Variants in STOM observed in about 807,000 individuals in gnomAD.
The protein encoded by STOM is erythrocyte band 7 integral membrane protein.
STOM carries 25 observed loss-of-function variants against 30.6 expected under a neutral mutation model. The observed-to-expected ratio is 0.82, with a 90% CI of 0.60 to 1.14. STOM has a LOEUF of 1.14. Ranked by LOEUF, STOM falls within the 50% of genes most tolerant of loss-of-function variation. The pLI, the probability that STOM is intolerant of heterozygous loss-of-function variation, is 0.00. For synonymous variants in STOM, 118 were observed against 130.8 expected (o/e 0.90, Z 0.67); for missense variants, 292 against 365.2 (o/e 0.80, Z 1.63).
At position 121,354,637 on chromosome 9, in the gene STOM, A is replaced by G. The variant is rs2064368702; in HGVS notation, c.202T>C (p.Leu68=). The G allele has an allele frequency of 6.2e-7, 1 of 1,612,820 alleles. No homozygotes were observed. The highest frequency in any genetic ancestry group is 8.5e-7 in the Non-Finnish European group (1 of 1,179,198). ...GCTCCTCCTTGTAAAATGCGACCCAATCTAAAGATGATGGCTCTTTCATAC... is the reference window on the plus strand; with the variant it reads ...GCTCCTCCTTGTAAAATGCGACCCAGTCTAAAGATGATGGCTCTTTCATAC... ...KEYERAIIFR[L]GRILQGGAKG... The change falls in exon 3 of 7, where the codon TTG becomes CTG. Residue 68 remains leucine (L), a synonymous_variant. Coordinates refer to ENST00000286713, the MANE Select transcript of STOM (RefSeq NM_004099.6).
chr9:121,340,895 G>A lies in STOM; in HGVS notation c.*307C>T, dbSNP rs2064240192. Reference sequence around the variant, plus strand: ...GTTACAGCCCAGGTTCTTGCCTCTGGCCTGGGTGCTTAGGGGGTTCAGAAT... The same window carrying A: ...GTTACAGCCCAGGTTCTTGCCTCTGACCTGGGTGCTTAGGGGGTTCAGAAT... On this transcript the variant is annotated 3_prime_UTR_variant, in exon 7 of 7. Transcript: ENST00000286713. The A allele has an allele frequency of 8.4e-7, 1 of 1,190,618 alleles. No homozygotes were observed. Among genetic ancestry groups the A allele is most frequent in the Non-Finnish European group, 1.1e-6 (1 of 950,776 alleles). The allele number at this position is 1,190,618 out of a possible 1,614,324, so 73.8% of individuals were successfully genotyped here.
chr9:121,352,755 G>A (rs2064349997), intron 4 of STOM, among the ~76,000 whole-genome samples: 1 of 152,186 alleles, frequency 6.6e-6, no homozygotes, highest in African/African-American at 2.4e-5. Flanking sequence ...TAAAGAACTT[G>A]CTTAAGGTCA....
chr9:121,357,377 G>C (rs1050907674), intron 1 of STOM, among the ~76,000 whole-genome samples: 1 of 144,348 alleles, frequency 6.9e-6, no homozygotes, highest in African/African-American at 2.5e-5. Context: ...AGGTATTTTG[G>C]TATATTCTTT....
chr9:121,369,478 G>C (rs190212943), intron 1 of STOM, among the ~76,000 whole-genome samples: 1 of 152,112 alleles, frequency 6.6e-6, no homozygotes, highest in Non-Finnish European at 1.5e-5. Flanking sequence ...AAGGGAGGGT[G>C]GGGGTGAGGG....
At chr9:121,344,126 C>A (rs1457607842) in intron 6 of STOM, among the ~76,000 whole-genome samples, 1 of 152,186 alleles carries the variant, frequency 6.6e-6, no homozygotes, top group Non-Finnish European at 1.5e-5. Flanking sequence ...ATAGTACTCA[C>A]TGAGAGAAAG....
In STOM at chr9:121,347,744, C is replaced by T. The variant is rs139793249; in HGVS notation, c.660+271G>A. Among the ~76,000 whole-genome samples the T allele has an allele frequency of 4.5e-4, 68 of 152,238 alleles. No individual in the cohort carries two copies. In the Middle Eastern group the frequency reaches 0.01, roughly 23 times the overall value. ...AATATTAAATGAAAAAAGCAGAGCGCAGAACAACATGTGCAGTATAACCCT... is the reference window on the plus strand; with the variant it reads ...AATATTAAATGAAAAAAGCAGAGCGTAGAACAACATGTGCAGTATAACCCT... On this transcript the variant is annotated intron_variant, in intron 6 of 6. Coordinates refer to ENST00000286713, the MANE Select transcript of STOM (RefSeq NM_004099.6).
At chr9:121,364,013 G>A (rs1207597370) in intron 1 of STOM, among the ~76,000 whole-genome samples, 1 of 152,060 alleles carries the variant, frequency 6.6e-6, no homozygotes, top group African/African-American at 2.4e-5. Context: ...TCAAATGACT[G>A]GAATTTTAGG....
intron 6 of STOM, 126 bp from the exon 7 acceptor site, chr9:121,341,534 T>G: frequency 1.6e-6 from 2 of 1,252,916 alleles, no homozygotes; most frequent in Non-Finnish European, 2.2e-6. Context: ...GCCAGAGTAG[T>G]TTTAAGAAAA....
chr9:121,369,900 G>A, intron 1 of STOM: 1 of 502,752 alleles, frequency 2.0e-6, no homozygotes, highest in Non-Finnish European at 3.6e-6. Flanking sequence ...ACCAGGGCCC[G>A]TGCGATGGGA....
At chr9:121,361,380 CTTTTTTTTTTTTT>C (rs5900482) in intron 1 of STOM, among the ~76,000 whole-genome samples, 1 of 41,080 alleles carries the variant, frequency 2.4e-5, no homozygotes, top group African/African-American at 8.6e-5. Context: ...CACTTGTGGA[CTTTTTTTTTTTTT>C]TTTTTTTTTT....
In STOM at chr9:121,363,694, T is replaced by TA. The variant is rs143908677; in HGVS notation, c.61+6432dup. ...GAGCTATTTCATAACTTGTGGGACA[T>TA]ACAGAAACAGAGTCAGCTAGATTTG... On this transcript the variant is annotated intron_variant, in intron 1 of 6. Coordinates refer to ENST00000286713, the MANE Select transcript of STOM (RefSeq NM_004099.6). Among the ~76,000 whole-genome samples, 841 of 152,326 alleles carry TA rather than the reference T, an allele frequency of 5.5e-3. 5 individuals are homozygous for TA. The highest frequency in any genetic ancestry group is 0.019 in the African/African-American group (803 of 41,584).
chr9:121,353,255 T>G lies in STOM; in HGVS notation c.286A>C (p.Met96Leu). The change falls in exon 4 of 7, where the codon ATG (methionine) becomes CTG (leucine). Residue 96 changes from methionine to leucine, a missense_variant. Coordinates refer to ENST00000286713, the MANE Select transcript of STOM (RefSeq NM_004099.6). ...PCTDSFIKVD[M>L]RTISFDIPPQ... ...GGAATATCAAATGAAATAGTTCTCA[T>G]GTCCACTTTGATGAAGCTGTCAGTG... 6.2e-7 allele frequency: 1 copy of G among 1,612,114 alleles called. No individual in the cohort carries two copies. Among genetic ancestry groups the G allele is most frequent in the South Asian group, 1.1e-5 (1 of 90,700 alleles).
chr9:121,343,999 G>A (rs188318895), intron 6 of STOM, among the ~76,000 whole-genome samples: 183 of 152,284 alleles, frequency 1.2e-3, no homozygotes, highest in African/African-American at 4.0e-3. Flanking sequence ...GAAGGAGGGC[G>A]AATCAGTGGA....
In STOM at chr9:121,340,566, G is replaced by T. The variant is rs1448531576; in HGVS notation, c.*636C>A. 1 of 607,402 alleles carries T rather than the reference G, an allele frequency of 1.6e-6. No individual in the cohort carries two copies. Among genetic ancestry groups the T allele is most frequent in the East Asian group, 1.4e-4 (1 of 7,154 alleles). 37.6% of individuals were successfully genotyped at this position (607,402 alleles called of 1,614,324 possible). A position where few individuals can be genotyped will look rare whatever the true frequency, so the allele number is the denominator to read the frequency against. On this transcript the variant is annotated 3_prime_UTR_variant, in exon 7 of 7. Coordinates refer to ENST00000286713, the MANE Select transcript of STOM (RefSeq NM_004099.6). ...AGCCTGGCCAACATGGTGAAACCCC[G>T]TCTCTACTAAAAAACAATAATAATA...
chr9:121,353,756 T>G lies in STOM; in HGVS notation c.239-454A>C, dbSNP rs112222150. 8.3e-3 allele frequency among the ~76,000 whole-genome samples: 1,257 copies of G among 152,300 alleles called. 22 individuals are homozygous for G. Among genetic ancestry groups the G allele is most frequent in the African/African-American group, 0.028 (1,179 of 41,548 alleles). ...TGCACTCTTGCTGGACTGATCTACT[T>G]GCAGTTTCTTGAATCTGCAATACTC... On this transcript the variant is annotated intron_variant, in intron 3 of 6. Coordinates refer to ENST00000286713, the MANE Select transcript of STOM (RefSeq NM_004099.6).
At chr9:121,355,387 CAAAA>C (rs36030273) in intron 2 of STOM, among the ~76,000 whole-genome samples, 1 of 96,050 alleles carries the variant, frequency 1.0e-5, no homozygotes, top group Non-Finnish European at 2.4e-5. Context: ...GGCTCTGGCT[CAAAA>C]AAAAAAAAAA....
At position 121,339,455 on chromosome 9, in the gene STOM, G is replaced by A. The variant is rs1196425731; in HGVS notation, c.*1747C>T. 2 of 1,044,084 alleles carry A rather than the reference G, an allele frequency of 1.9e-6. No individual in the cohort carries two copies. The highest frequency in any genetic ancestry group is 1.2e-6 in the Non-Finnish European group (1 of 821,028). The allele number at this position is 1,044,084 out of a possible 1,614,324, so 64.7% of individuals were successfully genotyped here. On this transcript the variant is annotated 3_prime_UTR_variant, in exon 7 of 7. Transcript: ENST00000286713. The stretch of plus-strand genomic sequence containing the variant: ...CCATACCTCTAATAAACTCAGCTAG[G>A]AGCCAGGATACATGGTAGTTCAAGG...
At chr9:121,369,562 A>AG (rs1564634544) in intron 1 of STOM, among the ~76,000 whole-genome samples, 1 of 152,080 alleles carries the variant, frequency 6.6e-6, no homozygotes, top group Non-Finnish European at 1.5e-5. Flanking sequence ...AGGAAAGCGG[A>AG]GGGGGAAAAA....
At chr9:121,344,796 C>T (rs1236065626) in intron 6 of STOM, among the ~76,000 whole-genome samples, 1 of 152,172 alleles carries the variant, frequency 6.6e-6, no homozygotes, top group East Asian at 1.9e-4. Context: ...CTTCTACACC[C>T]AGAAACATGA....
Sources: gnomAD v4.1 joint callset for allele counts (sites outside exome capture counted in the v4.1 genomes callset) on GRCh38, gnomAD v4.1.1 for gene constraint, MANE v1.5 for transcripts, NCBI Gene and HGNC (gene_info 2026-07-23, HGNC 2026-07-21) for gene names.